The following IFNAR1 variants were observed in gnomAD, a reference collection of about 807,000 sequenced individuals.
IFNAR1 encodes interferon alpha/beta receptor 1.
IFNAR1 carries 47 observed loss-of-function variants against 62.1 expected under a neutral mutation model. That is an observed-to-expected ratio of 0.76 (90% CI 0.60 to 0.97). The LOEUF is 0.97. Among genes scored for constraint, IFNAR1 ranks in the 50% least tolerant of loss-of-function variants. IFNAR1 has a pLI of 0.00. For synonymous variants in IFNAR1, 219 were observed against 226.9 expected (o/e 0.97, Z 0.31); for missense variants, 638 against 654.5 (o/e 0.97, Z 0.27).
At chr21:33,331,740 C>T (rs1399686655) in intron 1 of IFNAR1, among the ~76,000 whole-genome samples, 1 of 152,158 alleles carries the variant, frequency 6.6e-6, no homozygotes, top group Non-Finnish European at 1.5e-5. Flanking sequence ...TGCCTCATCC[C>T]TTGGGACCTG....
At chr21:33,326,235 C>T (rs2083125534) in intron 1 of IFNAR1, among the ~76,000 whole-genome samples, 1 of 139,676 alleles carries the variant, frequency 7.2e-6, no homozygotes, top group Non-Finnish European at 1.6e-5. Context: ...TTTTTTGAGA[C>T]AGCCTGTTGC....
rs1224222463 is a variant in IFNAR1, at chr21:33,325,064, C to T, written c.9C>T (p.Val3=). Residue 3 remains valine, a synonymous_variant, in exon 1 of 11, where the codon GTC becomes GTT. Coordinates refer to ENST00000270139, the MANE Select transcript of IFNAR1 (RefSeq NM_000629.3). Reference sequence around the variant, plus strand: ...TCTGCGGCGGCTCCCAGATGATGGTCGTCCTCCTGGGCGCGACGACCCTAG... The same window carrying T: ...TCTGCGGCGGCTCCCAGATGATGGTTGTCCTCCTGGGCGCGACGACCCTAG... MM[V]VLLGATTLVL... is the part of the protein sequence containing the mutation. 1 of 1,605,578 alleles carries T rather than the reference C, an allele frequency of 6.2e-7. No homozygotes were observed.
At chr21:33,326,404 C>T (rs1383987750) in intron 1 of IFNAR1, among the ~76,000 whole-genome samples, 2 of 152,096 alleles carry the variant, frequency 1.3e-5, no homozygotes, top group African/African-American at 4.8e-5. Context: ...GGGGTTTTGC[C>T]ATGTTGGCCA....
intron 5 of IFNAR1, 127 bp from the exon 6 acceptor site, chr21:33,345,119 A>G (rs2083333071): frequency 3.2e-6 from 2 of 622,836 alleles, no homozygotes; most frequent in Admixed American, 2.9e-5. Context: ...ATAGTATTAC[A>G]TAGTGTGAAT....
intron 3 of IFNAR1, 43 bp downstream of exon 3, chr21:33,341,217 T>C (rs375942799): frequency 6.9e-7 from 1 of 1,452,944 alleles, no homozygotes; most frequent in African/African-American, 1.4e-5. Flanking sequence ...TTAGTAAATA[T>C]TACCAGAGCA....
Position 33,337,823 on chromosome 21 carries a change from C to T in IFNAR1, c.200+2176C>T, listed in dbSNP as rs545953084. Among the ~76,000 whole-genome samples the T allele has an allele frequency of 4.7e-5, 5 of 105,286 alleles. No homozygotes were observed. In the South Asian group the frequency reaches 9.4e-4, roughly 20 times the overall value. 69.1% of individuals were successfully genotyped at this position (105,286 alleles called of 152,430 possible). On this transcript the variant is annotated intron_variant, in intron 2 of 10. Coordinates refer to ENST00000270139, the MANE Select transcript of IFNAR1 (RefSeq NM_000629.3). ...ACACACAAATTCATATATGACTTTT[C>T]TCAGAATTGATCATTTAAAATTTTT...
At position 33,356,538 on chromosome 21, in the gene IFNAR1, A is replaced by G. The variant is rs931573454; in HGVS notation, c.*989A>G. 3.3e-5 allele frequency: 5 copies of G among 152,212 alleles called. No homozygotes were observed. Among genetic ancestry groups the G allele is most frequent in the South Asian group, 2.1e-4 (1 of 4,826 alleles). 9.4% of individuals were successfully genotyped at this position (152,212 alleles called of 1,614,324 possible). ...CATGGTTTAGGATTAAAGCCAGGCA[A>G]TCTTTTACTATGCATTAAGACCTCT... On this transcript the variant is annotated 3_prime_UTR_variant, in exon 11 of 11. Coordinates refer to ENST00000270139, the MANE Select transcript of IFNAR1 (RefSeq NM_000629.3).
In IFNAR1 at chr21:33,349,237, GA is replaced by G. The variant is rs2083378247; in HGVS notation, c.938del (p.Asn313IlefsTer10). ...IYLLRVQASD[G>X]NNTSFWSEEI... is the part of the protein sequence containing the mutation. ...CTTCTCCGCGTACAAGCATCTGATG[GA>G]AATAACACATCTTTTTGGTCTGAAG... On this transcript the variant is annotated frameshift_variant, in exon 7 of 11. Coordinates refer to ENST00000270139, the MANE Select transcript of IFNAR1 (RefSeq NM_000629.3). LOFTEE classifies it high-confidence loss of function. The G allele has an allele frequency of 6.2e-7, 1 of 1,613,136 alleles. No homozygotes were observed. The highest frequency in any genetic ancestry group is 8.5e-7 in the Non-Finnish European group (1 of 1,179,482).
At position 33,359,227 on chromosome 21, in the gene IFNAR1, T is replaced by G. The variant is rs2083477464; in HGVS notation, c.*3678T>G. On this transcript the variant is annotated 3_prime_UTR_variant, in exon 11 of 11. Coordinates refer to ENST00000270139, the MANE Select transcript of IFNAR1 (RefSeq NM_000629.3). ...TCAGTGTTTCTATGGAACAAACTTGTACATTTTATTTCACTTGTGTTTTGT... is the reference window on the plus strand; with the variant it reads ...TCAGTGTTTCTATGGAACAAACTTGGACATTTTATTTCACTTGTGTTTTGT... The G allele has an allele frequency of 6.6e-6, 1 of 152,248 alleles. No homozygotes were observed. The highest frequency in any genetic ancestry group is 2.1e-4 in the South Asian group (1 of 4,838). 9.4% of individuals were successfully genotyped at this position (152,248 alleles called of 1,614,324 possible).
At chr21:33,350,452 T>G (rs2083388108) in intron 8 of IFNAR1, among the ~76,000 whole-genome samples, 1 of 152,094 alleles carries the variant, frequency 6.6e-6, no homozygotes, top group African/African-American at 2.4e-5. Context: ...TCCTTAGTAT[T>G]TAATTTTATG....
chr21:33,338,784 C>T (rs919396286), intron 2 of IFNAR1, among the ~76,000 whole-genome samples: 3 of 150,974 alleles, frequency 2.0e-5, no homozygotes, highest in Non-Finnish European at 4.4e-5. Context: ...GCTCTGTTGC[C>T]CAGGCTGGAG....
chr21:33,355,242 G>A, intron 10 of IFNAR1, 74 bp from the exon 11 acceptor site: 1 of 747,046 alleles, frequency 1.3e-6, no homozygotes, highest in Non-Finnish European at 2.1e-6. Context: ...AGAAACTAAA[G>A]CTATTACAAC....
chr21:33,325,256 C>A (rs1179346128), intron 1 of IFNAR1, 125 bp downstream of exon 1: 2 of 841,512 alleles, frequency 2.4e-6, no homozygotes, highest in Non-Finnish European at 3.8e-6. Flanking sequence ...TCCACTTTGC[C>A]GCGCCAAAGA....
chr21:33,340,452 A>G (rs181390738), intron 2 of IFNAR1, among the ~76,000 whole-genome samples: 9 of 151,820 alleles, frequency 5.9e-5, no homozygotes, highest in Non-Finnish European at 1.0e-4. Flanking sequence ...TTGAACCCCT[A>G]TGCTCAAATG....
At chr21:33,332,720 T>A (rs1303013192) in intron 1 of IFNAR1, among the ~76,000 whole-genome samples, 1 of 152,146 alleles carries the variant, frequency 6.6e-6, no homozygotes, top group Non-Finnish European at 1.5e-5. Flanking sequence ...ATTCAATGAA[T>A]TACATTTAAA....
upstream of IFNAR1, chr21:33,324,811 G>A: frequency 3.7e-6 from 2 of 546,878 alleles, no homozygotes; most frequent in South Asian, 2.3e-5. Context: ...CAATTAGGAT[G>A]GGGCAATGGG....
At chr21:33,354,469 T>C (rs1273239962) in intron 10 of IFNAR1, among the ~76,000 whole-genome samples, 1 of 152,194 alleles carries the variant, frequency 6.6e-6, no homozygotes, top group Admixed American at 6.5e-5. Context: ...TCTGTATATA[T>C]CCAGAAGACT....
intron 1 of IFNAR1, chr21:33,334,776 A>T: frequency 1.3e-6 from 1 of 791,084 alleles, no homozygotes; most frequent in Non-Finnish European, 2.3e-6. Flanking sequence ...GTCCAGACTG[A>T]GGGCACTGGT....
At chr21:33,325,152 T>G in intron 1 of IFNAR1, 21 bp downstream of exon 1, 1 of 1,600,434 alleles carries the variant, frequency 6.2e-7, no homozygotes, top group South Asian at 1.1e-5. Context: ...GGGAGGAGAG[T>G]CTTGGCGCAG....
Sources: allele counts gnomAD v4.1 joint callset (sites outside exome capture counted in the v4.1 genomes callset), GRCh38; gene constraint gnomAD v4.1.1; transcripts MANE v1.5; gene names NCBI Gene and HGNC (gene_info 2026-07-23, HGNC 2026-07-21).